Variants in RANBP2 observed in about 807,000 individuals in gnomAD.
RANBP2 encodes the protein RAN binding protein 2.
Under a neutral mutation model 303.6 loss-of-function variants are expected in RANBP2, and 57 were observed. The ratio of observed to expected loss-of-function variants is 0.19; its 90% CI spans 0.15 to 0.23. The LOEUF is 0.23. RANBP2 is among the 10% of genes least tolerant of loss of function. The probability of loss-of-function intolerance (pLI) is 1.00; values close to 1 mark genes in which losing one functional copy is unlikely to be tolerated. For missense variants in RANBP2, 3,138 were observed against 3,780.8 expected (o/e 0.83, Z 4.46); for synonymous variants, 1,167 against 1,301.5 (o/e 0.90, Z 2.23).
the RANBP2 span, among the ~76,000 whole-genome samples, chr2:109,436,612 A>T: frequency 0.016 from 2,428 of 152,374 alleles, 66 homozygotes; most frequent in African/African-American, 0.055. Flanking sequence ...AAATTAAGGC[A>T]GTAGCTGTGG....
rs982775753 is a variant in RANBP2 at position 108,719,779 on chromosome 2, G to T, written c.72+101G>T. ...CCCGACGGGCGCTGCTCCCTGGCGC[G>T]CTCTGTTGAGGCGCCGGCCGGCTGG... On this transcript the variant is annotated intron_variant, in intron 1 of 28. Transcript: ENST00000283195. 1,382 of 1,525,880 alleles carry T rather than the reference G, an allele frequency of 9.1e-4. 1 individual carries two copies. The highest frequency in any genetic ancestry group is 1.2e-3 in the Non-Finnish European group (1,316 of 1,137,748). 94.5% of individuals were successfully genotyped at this position (1,525,880 alleles called of 1,614,324 possible).
chr2:109,089,629 C>A, the RANBP2 span, among the ~76,000 whole-genome samples: 1 of 151,914 alleles, frequency 6.6e-6, no homozygotes, highest in Admixed American at 6.6e-5. Context: ...GAACAAAAAA[C>A]CTGGTGGGGA....
the RANBP2 span, among the ~76,000 whole-genome samples, chr2:108,868,939 T>C: frequency 6.6e-6 from 1 of 152,278 alleles, no homozygotes; most frequent in East Asian, 1.9e-4. Flanking sequence ...TTGATTAAGC[T>C]ATAAGTTGGA....
At chr2:109,306,709 G>A in the RANBP2 span, among the ~76,000 whole-genome samples, 2 of 152,328 alleles carry the variant, frequency 1.3e-5, no homozygotes, top group East Asian at 3.9e-4. Flanking sequence ...ACTCCAACCT[G>A]GATGGCAGAA....
chr2:108,848,435 A>T, the RANBP2 span, among the ~76,000 whole-genome samples: 1 of 152,198 alleles, frequency 6.6e-6, no homozygotes, highest in Non-Finnish European at 1.5e-5. Flanking sequence ...GCTTTCAAAG[A>T]AATATAACAG....
In RANBP2 at chr2:108,766,109, A is replaced by G. The variant is rs2149279328; in HGVS notation, c.5570A>G (p.Gln1857Arg). The change falls in exon 20 of 29, where the codon CAA becomes CGA. Residue 1857 changes from glutamine to arginine, a missense_variant. Gln to Arg is a conservative substitution (Grantham distance 43). This residue lies in a region of RANBP2 where 348 missense variants were observed against 360.4 expected (regional missense o/e 0.97). Coordinates refer to ENST00000283195, the MANE Select transcript of RANBP2 (RefSeq NM_006267.5). ...GCTTCTAAGTTTGGCAATACAGAGC[A>G]AGGATTCAAATTTGGGCATGTGGAT... is the stretch of plus-strand genomic sequence containing the variant. The part of the protein sequence containing the change: ...EKASKFGNTE[Q>R]GFKFGHVDQE... The G allele has an allele frequency of 6.2e-7, 1 of 1,614,084 alleles. No individual in the cohort carries two copies. Among genetic ancestry groups the G allele is most frequent in the Non-Finnish European group, 8.5e-7 (1 of 1,180,016 alleles).
chr2:108,857,066 C>CTTTTTTT, the RANBP2 span: 48 of 44,092 alleles, frequency 1.1e-3, 13 homozygotes, highest in African/African-American at 3.7e-3. Flanking sequence ...GATACTATTG[C>CTTTTTTT]TTTTTTTTTT....
At chr2:108,833,894 A>T in the RANBP2 span, among the ~76,000 whole-genome samples, 18 of 79,220 alleles carry the variant, frequency 2.3e-4, no homozygotes, top group Admixed American at 9.1e-4. Flanking sequence ...CGCCCGGCTA[A>T]TTTTTTTTTT....
At chr2:108,878,655 GAAA>G in the RANBP2 span, among the ~76,000 whole-genome samples, 3 of 152,044 alleles carry the variant, frequency 2.0e-5, no homozygotes, top group Admixed American at 2.0e-4. Context: ...CCTTTTATTT[GAAA>G]AAAATTGTTT....
the RANBP2 span, among the ~76,000 whole-genome samples, chr2:109,428,943 C>T: frequency 5.3e-5 from 8 of 152,314 alleles, no homozygotes; most frequent in East Asian, 7.7e-4. Context: ...CATGTGTCTA[C>T]GAAGACTGGC....
At chr2:109,583,828 CTT>C in the RANBP2 span, among the ~76,000 whole-genome samples, 1 of 152,174 alleles carries the variant, frequency 6.6e-6, no homozygotes, top group Non-Finnish European at 1.5e-5. Flanking sequence ...AAAATCAAGT[CTT>C]TTGTACCAAC....
At chr2:109,457,743 A>G in the RANBP2 span, among the ~76,000 whole-genome samples, 6 of 152,218 alleles carry the variant, frequency 3.9e-5, no homozygotes, top group African/African-American at 7.2e-5. Context: ...TTTCAAAGAC[A>G]TGGGATTTTT....
the RANBP2 span, among the ~76,000 whole-genome samples, chr2:109,341,108 G>A: frequency 4.6e-5 from 7 of 152,074 alleles, no homozygotes; most frequent in Non-Finnish European, 4.4e-5. Context: ...TCAATTCTTG[G>A]ATGAATGAGT....
the RANBP2 span, among the ~76,000 whole-genome samples, chr2:108,805,737 A>G: frequency 6.6e-6 from 1 of 152,064 alleles, no homozygotes. Context: ...AAAAAAAAAA[A>G]TTGTAATTTA....
chr2:109,234,008 A>T, the RANBP2 span, among the ~76,000 whole-genome samples: 1 of 152,324 alleles, frequency 6.6e-6, no homozygotes, highest in Non-Finnish European at 1.5e-5. Flanking sequence ...AAGCCACAGT[A>T]AACATTGACA....
chr2:109,249,631 CTCTT>C, the RANBP2 span, among the ~76,000 whole-genome samples: 1 of 141,670 alleles, frequency 7.1e-6, no homozygotes, highest in Non-Finnish European at 1.5e-5. Context: ...CTTTCTCTCT[CTCTT>C]TCTCTGTTTC....
chr2:108,832,893 T>C, the RANBP2 span, among the ~76,000 whole-genome samples: 1 of 152,176 alleles, frequency 6.6e-6, no homozygotes, highest in African/African-American at 2.4e-5. Context: ...TCTAGAACTA[T>C]ACTGGCAAGT....
Position 108,781,397 on chromosome 2 carries a change from A to G in RANBP2, c.8728A>G (p.Ile2910Val). The change falls in exon 26 of 29, where the codon ATC becomes GTC. Residue 2910 changes from isoleucine (I) to valine (V), a missense_variant. Physicochemically the swap from Ile to Val is conservative, Grantham distance 29 (BLOSUM62 3). Around this residue, in one of 20 missense-constraint regions of RANBP2, gnomAD observed 68 missense variants for 117.4 expected, o/e 0.58. Transcript: ENST00000283195. ...SDEEVVHNED[I>V]HFEPIVSLPE... ...TGAAGAAGTAGTTCATAATGAAGAT[A>G]TCCATTTTGAACCAATAGTGTCACT... is the stretch of plus-strand genomic sequence containing the variant. 1 of 1,614,144 alleles carries G rather than the reference A, an allele frequency of 6.2e-7. No homozygotes were observed. The highest frequency in any genetic ancestry group is 8.5e-7 in the Non-Finnish European group (1 of 1,179,992).
chr2:109,574,657 C>A, the RANBP2 span: 6 of 1,608,764 alleles, frequency 3.7e-6, no homozygotes, highest in Non-Finnish European at 5.1e-6. Flanking sequence ...GAAGTAGAGA[C>A]ACACATGGAT....
Sources: allele counts gnomAD v4.1 joint callset (sites outside exome capture counted in the v4.1 genomes callset), GRCh38; gene constraint gnomAD v4.1.1; regional missense constraint gnomAD v4.1.1; transcripts MANE v1.5; gene names NCBI Gene and HGNC (gene_info 2026-07-23, HGNC 2026-07-21).